MTMR7: variants seen among roughly 807,000 people sequenced by gnomAD.
MTMR7 encodes phosphatidylinositol-3-phosphate phosphatase MTMR7.
MTMR7 carries 76 observed loss-of-function variants against 81.2 expected under a neutral mutation model. That is an observed-to-expected ratio of 0.94 (90% CI 0.78 to 1.13). MTMR7 has a LOEUF of 1.13. MTMR7 is among the 50% of genes most tolerant of loss of function. The probability of loss-of-function intolerance (pLI) is 0.00; values close to 1 mark genes in which losing one functional copy is unlikely to be tolerated. For missense variants in MTMR7, 1,044 were observed against 820.0 expected (o/e 1.27, Z -3.34); for synonymous variants, 372 against 289.8 (o/e 1.28, Z -2.88).
Position 17,383,975 on chromosome 8 carries a change from A to G in MTMR7, c.25-10735T>C, listed in dbSNP as rs6994101. ...TTCTCAAGTCATTTTTATTTATGACAGGTGTCACTGTCTGTATAATGGTTG... is the reference window on the plus strand; with the variant it reads ...TTCTCAAGTCATTTTTATTTATGACGGGTGTCACTGTCTGTATAATGGTTG... On this transcript the variant is annotated intron_variant, in intron 1 of 13. Transcript: ENST00000180173. 5.9e-3 allele frequency among the ~76,000 whole-genome samples: 896 copies of G among 152,328 alleles called. 12 individuals are homozygous for G. The highest frequency in any genetic ancestry group is 0.02 in the African/African-American group (852 of 41,572).
intron 7 of MTMR7, among the ~76,000 whole-genome samples, chr8:17,330,259 C>A (rs1671928829): frequency 6.6e-6 from 1 of 152,236 alleles, no homozygotes; most frequent in Non-Finnish European, 1.5e-5. Flanking sequence ...ATTTGTCCCT[C>A]TTCATTCCAG....
intron 8 of MTMR7, among the ~76,000 whole-genome samples, chr8:17,312,711 T>C (rs1817859134): frequency 2.6e-5 from 4 of 151,992 alleles, no homozygotes; most frequent in African/African-American, 9.7e-5. Context: ...TAAATAAAGA[T>C]TTCTTGAATA....
At chr8:17,325,455 A>G (rs1818633180) in intron 7 of MTMR7, among the ~76,000 whole-genome samples, 1 of 152,168 alleles carries the variant, frequency 6.6e-6, no homozygotes, top group African/African-American at 2.4e-5. Context: ...AATGCCCATC[A>G]TGTCAGGGAA....
chr8:17,371,232 C>T, intron 2 of MTMR7, 33 bp from the exon 3 acceptor site: 7 of 1,603,176 alleles, frequency 4.4e-6, no homozygotes, highest in African/African-American at 1.3e-5. Flanking sequence ...ATAAGCTAAG[C>T]ACAAATAACT....
In MTMR7 at chr8:17,412,912, C is replaced by G. The variant is rs146760830; in HGVS notation, c.24+357G>C. Among the ~76,000 whole-genome samples, 826 of 152,306 alleles carry G rather than the reference C, an allele frequency of 5.4e-3. 8 individuals are homozygous for G. Among genetic ancestry groups the G allele is most frequent in the African/African-American group, 0.019 (777 of 41,560 alleles). On this transcript the variant is annotated intron_variant, in intron 1 of 13. Transcript: ENST00000180173. Reference sequence around the variant, plus strand: ...AAGGCTTATTTCCCTTTCAACTACTCTGAGCGGCCAACAGCTAAAAGAGAA... The same window carrying G: ...AAGGCTTATTTCCCTTTCAACTACTGTGAGCGGCCAACAGCTAAAAGAGAA...
chr8:17,310,353 C>T (rs1462143493), intron 9 of MTMR7, among the ~76,000 whole-genome samples: 1 of 152,070 alleles, frequency 6.6e-6, no homozygotes, highest in Non-Finnish European at 1.5e-5. Context: ...ATCAATATCC[C>T]CAATGCTTTA....
chr8:17,339,652 A>G (rs1586218565), intron 6 of MTMR7, among the ~76,000 whole-genome samples: 1 of 152,332 alleles, frequency 6.6e-6, no homozygotes, highest in Non-Finnish European at 1.5e-5. Context: ...TCCATTCTCC[A>G]TTTATGAACA....
At chr8:17,304,746 C>CGTGTGTGTGTGTGTGTGT (rs10527892) in intron 11 of MTMR7, among the ~76,000 whole-genome samples, 32,279 of 146,888 alleles carry the variant, frequency 0.22, 3,942 homozygotes, top group East Asian at 0.47. Flanking sequence ...GTGTTCGATT[C>CGTGTGTGTGTGTGTGTGT]GTGTGTGTGT....
At chr8:17,412,326 C>A (rs977391626) in intron 1 of MTMR7, among the ~76,000 whole-genome samples, 1 of 152,126 alleles carries the variant, frequency 6.6e-6, no homozygotes, top group Non-Finnish European at 1.5e-5. Context: ...GCCACTCTGA[C>A]CTAGCTTTGA....
intron 1 of MTMR7, among the ~76,000 whole-genome samples, chr8:17,410,788 A>G (rs1821716267): frequency 6.6e-6 from 1 of 152,242 alleles, no homozygotes; most frequent in African/African-American, 2.4e-5. Flanking sequence ...GATATTACAC[A>G]GTCTACAGCG....
intron 1 of MTMR7, among the ~76,000 whole-genome samples, chr8:17,400,854 C>G (rs1290410430): frequency 6.6e-6 from 1 of 152,152 alleles, no homozygotes; most frequent in Non-Finnish European, 1.5e-5. Context: ...AATAGATTGT[C>G]TAAGCCAAGT....
intron 5 of MTMR7, among the ~76,000 whole-genome samples, chr8:17,343,838 T>C (rs889389301): frequency 1.3e-5 from 2 of 152,206 alleles, no homozygotes; most frequent in Non-Finnish European, 2.9e-5. Flanking sequence ...TGCAGAACAG[T>C]AAGTAGTCTC....
intron 4 of MTMR7, among the ~76,000 whole-genome samples, chr8:17,349,802 T>C (rs981189592): frequency 1.3e-5 from 2 of 152,198 alleles, no homozygotes; most frequent in Non-Finnish European, 2.9e-5. Flanking sequence ...TGAGAGTGAC[T>C]ACCACAGTGG....
intron 6 of MTMR7, among the ~76,000 whole-genome samples, chr8:17,339,279 A>G (rs1423755606): frequency 6.6e-6 from 1 of 152,112 alleles, no homozygotes; most frequent in African/African-American, 2.4e-5. Context: ...CATGTAATTC[A>G]CATGTCATAC....
intron 1 of MTMR7, among the ~76,000 whole-genome samples, chr8:17,374,821 T>A (rs1296268175): frequency 6.8e-6 from 1 of 147,564 alleles, no homozygotes; most frequent in Non-Finnish European, 1.5e-5. Flanking sequence ...TCAAAAAAAA[T>A]AAATAGGCCA....
intron 5 of MTMR7, among the ~76,000 whole-genome samples, chr8:17,347,310 GA>G (rs1392742986): frequency 6.6e-6 from 1 of 152,138 alleles, no homozygotes; most frequent in Non-Finnish European, 1.5e-5. Context: ...TCAAGGCTAG[GA>G]AAAGAAGAAG....
chr8:17,388,397 G>C (rs1011119080), intron 1 of MTMR7, among the ~76,000 whole-genome samples: 1 of 152,190 alleles, frequency 6.6e-6, no homozygotes, highest in East Asian at 1.9e-4. Flanking sequence ...ATGATGCTTT[G>C]TATCCCAAAG....
chr8:17,397,175 T>G (rs1054060303), intron 1 of MTMR7, among the ~76,000 whole-genome samples: 4 of 151,194 alleles, frequency 2.6e-5, no homozygotes, highest in Non-Finnish European at 5.9e-5. Context: ...AGACTCCTTG[T>G]GCTTGAAAAA....
chr8:17,305,728 TTA>T (rs1222002711), intron 11 of MTMR7, 27 bp downstream of exon 11: 3 of 1,561,434 alleles, frequency 1.9e-6, no homozygotes, highest in Non-Finnish European at 2.6e-6. Flanking sequence ...TAAATAAAAG[TTA>T]AACACCAAAA....
Sources: gnomAD v4.1 joint callset for allele counts (sites outside exome capture counted in the v4.1 genomes callset) on GRCh38, gnomAD v4.1.1 for gene constraint, MANE v1.5 for transcripts, NCBI Gene and HGNC (gene_info 2026-07-23, HGNC 2026-07-21) for gene names.